DLGAP2: variants seen among roughly 807,000 people sequenced by gnomAD.
DLGAP2 encodes the protein disks large-associated protein 2.
DLGAP2 carries 26 observed loss-of-function variants against 100.3 expected under a neutral mutation model. The ratio of observed to expected loss-of-function variants is 0.26; its 90% CI spans 0.19 to 0.36. The LOEUF is 0.36. Among genes scored for constraint, DLGAP2 ranks in the 10% least tolerant of loss-of-function variants. The pLI is 1.00. For synonymous variants in DLGAP2, 886 were observed against 630.1 expected, an observed-to-expected ratio of 1.41 and a Z score of -6.08; for missense variants, 1,858 against 1,453.2, an observed-to-expected ratio of 1.28 and a Z score of -4.53.
chr8:1,562,989 T>C (rs556831594), intron 5 of DLGAP2, among the ~76,000 whole-genome samples: 27 of 60,878 alleles, frequency 4.4e-4, no homozygotes, highest in African/African-American at 1.8e-3. Flanking sequence ...TGTGTGGTGT[T>C]GGGGTGTCCG....
At chr8:846,738 T>G (rs936206284) in intron 1 of DLGAP2, among the ~76,000 whole-genome samples, 30 of 152,188 alleles carry the variant, frequency 2.0e-4, no homozygotes, top group African/African-American at 7.2e-4. Flanking sequence ...CCAGCAGCAC[T>G]AGTGTTTTCT....
At chr8:825,136 C>G (rs1162581616) in intron 1 of DLGAP2, among the ~76,000 whole-genome samples, 1 of 152,190 alleles carries the variant, frequency 6.6e-6, no homozygotes, top group African/African-American at 2.4e-5. Context: ...CCTCTGCCCT[C>G]ACTGTCCCCA....
At chr8:1,484,798 G>A (rs1257883028) in intron 3 of DLGAP2, among the ~76,000 whole-genome samples, 1 of 152,186 alleles carries the variant, frequency 6.6e-6, no homozygotes, top group Non-Finnish European at 1.5e-5. Context: ...TGTGGCTTCT[G>A]AGATGGCTTC....
intron 2 of DLGAP2, among the ~76,000 whole-genome samples, chr8:1,142,891 T>C (rs984966416): frequency 2.0e-5 from 3 of 152,116 alleles, no homozygotes; most frequent in Admixed American, 2.0e-4. Context: ...CACACCCAGG[T>C]TTCCGAAAAG....
intron 3 of DLGAP2, among the ~76,000 whole-genome samples, chr8:1,297,859 CAT>C (rs2116984923): frequency 1.8e-5 from 1 of 56,066 alleles, no homozygotes. Flanking sequence ...ACGTGGCAGG[CAT>C]GAACAGACAC....
At chr8:1,633,091 C>T (rs780190395) in intron 8 of DLGAP2, 45 bp downstream of exon 8, 3 of 1,593,934 alleles carry the variant, frequency 1.9e-6, no homozygotes, top group African/African-American at 1.3e-5. Context: ...ACTCTAGAGG[C>T]ATACCTGTCT....
intron 3 of DLGAP2, among the ~76,000 whole-genome samples, chr8:1,499,500 C>G (rs751746506): frequency 1.3e-5 from 2 of 152,174 alleles, no homozygotes; most frequent in African/African-American, 4.8e-5. Context: ...TTAGAGCTGT[C>G]CATCATATTT....
At chr8:984,001 G>T (rs1800416070) in intron 2 of DLGAP2, among the ~76,000 whole-genome samples, 1 of 152,150 alleles carries the variant, frequency 6.6e-6, no homozygotes, top group Non-Finnish European at 1.5e-5. Flanking sequence ...GAGGAAGAGT[G>T]TGCCGAGCAC....
chr8:771,642 CCCCTACCTTGCTA>C (rs781423769), intron 1 of DLGAP2, among the ~76,000 whole-genome samples: 1 of 152,228 alleles, frequency 6.6e-6, no homozygotes, highest in Non-Finnish European at 1.5e-5. Context: ...AGAGTGGCAA[CCCCTACCTTGCTA>C]CCCAGAGACG....
chr8:1,197,154 G>A (rs1337731859), intron 2 of DLGAP2, among the ~76,000 whole-genome samples: 2 of 152,220 alleles, frequency 1.3e-5, no homozygotes, highest in African/African-American at 4.8e-5. Flanking sequence ...GTCCAGTGCA[G>A]GTCTCTTCTG....
At chr8:1,613,950 T>A (rs1338778850) in intron 6 of DLGAP2, among the ~76,000 whole-genome samples, 1 of 152,204 alleles carries the variant, frequency 6.6e-6, no homozygotes, top group African/African-American at 2.4e-5. Context: ...CTATCAACTA[T>A]TCCCGGTACA....
chr8:1,378,469 C>G (rs1259182633), intron 3 of DLGAP2, among the ~76,000 whole-genome samples: 4 of 151,754 alleles, frequency 2.6e-5, no homozygotes, highest in African/African-American at 9.7e-5. Flanking sequence ...CTGACTTCGC[C>G]TGTCCATCCT....
chr8:1,271,348 C>G (rs1255322820), intron 3 of DLGAP2, among the ~76,000 whole-genome samples: 1 of 152,120 alleles, frequency 6.6e-6, no homozygotes. Context: ...GAAAATTATG[C>G]TCTTTAAGCA....
intron 7 of DLGAP2, among the ~76,000 whole-genome samples, chr8:1,629,742 A>G (rs1249341300): frequency 6.6e-6 from 1 of 152,272 alleles, no homozygotes; most frequent in African/African-American, 2.4e-5. Context: ...GTGCAAAGTT[A>G]TCTCATCCGA....
chr8:1,456,772 G>C (rs11136394), intron 3 of DLGAP2, among the ~76,000 whole-genome samples: 73,204 of 148,598 alleles, frequency 0.49, 18,272 homozygotes, highest in East Asian at 0.86. Context: ...CTGTGCACTG[G>C]TGAAATTGGT....
chr8:1,526,670 T>C, intron 4 of DLGAP2, among the ~76,000 whole-genome samples: 1 of 152,230 alleles, frequency 6.6e-6, no homozygotes, highest in Admixed American at 6.5e-5. Flanking sequence ...CTTATTGGGT[T>C]GACTTTAAGT....
chr8:1,100,350 G>C (rs182909845), intron 2 of DLGAP2, among the ~76,000 whole-genome samples: 67 of 152,210 alleles, frequency 4.4e-4, no homozygotes, highest in African/African-American at 1.5e-3. Flanking sequence ...AGCGTGTGTA[G>C]GGAAAACCTT....
At chr8:1,426,082 G>A (rs919723826) in intron 3 of DLGAP2, among the ~76,000 whole-genome samples, 5 of 152,184 alleles carry the variant, frequency 3.3e-5, no homozygotes, top group East Asian at 1.9e-4. Context: ...CCCTAAGGCC[G>A]GGAGAAAGCG....
At chr8:1,648,905 G>A (rs1039093888) in intron 8 of DLGAP2, among the ~76,000 whole-genome samples, 4 of 152,104 alleles carry the variant, frequency 2.6e-5, no homozygotes, top group Non-Finnish European at 4.4e-5. Flanking sequence ...GAAGAATTGT[G>A]GGGAAAACCT....
Sources: allele counts gnomAD v4.1 joint callset (sites outside exome capture counted in the v4.1 genomes callset), GRCh38; gene constraint gnomAD v4.1.1; transcripts MANE v1.5; gene names NCBI Gene and HGNC (gene_info 2026-07-23, HGNC 2026-07-21).